Variants in SLX4 observed in about 807,000 individuals in gnomAD.
SLX4 encodes structure-specific endonuclease subunit SLX4.
Under a neutral mutation model 146.2 loss-of-function variants are expected in SLX4, and 112 were observed. The observed-to-expected ratio is 0.77, with a 90% CI of 0.66 to 0.90. The LOEUF is 0.90. Ranked by LOEUF, SLX4 falls within the 40% of genes least tolerant of loss-of-function variation. The pLI, the probability that SLX4 is intolerant of heterozygous loss-of-function variation, is 0.00. For missense variants in SLX4, 2,563 were observed against 2,392.7 expected (o/e 1.07, Z -1.49); for synonymous variants, 1,061 against 997.7 (o/e 1.06, Z -1.20).
rs572868172 is a variant in SLX4 at position 3,609,907 on chromosome 16, C to G, written c.-602-341G>C. Among the ~76,000 whole-genome samples the G allele has an allele frequency of 2.6e-5, 4 of 152,376 alleles. No homozygotes were observed. In the South Asian group the frequency reaches 8.3e-4, roughly 32 times the overall value. On this transcript the variant is annotated intron_variant, in intron 1 of 14. Transcript: ENST00000294008. Reference sequence around the variant, plus strand: ...AAATCTAGGAAAACTATCTCCTACACTGATCTAAGACCCCTGGCTGTTAAA... The same window carrying G: ...AAATCTAGGAAAACTATCTCCTACAGTGATCTAAGACCCCTGGCTGTTAAA...
Position 3,582,488 on chromosome 16 carries a change from G to C in SLX4, c.5359C>G (p.Gln1787Glu), listed in dbSNP as rs1259909923. ...CGCGAGGACACACGGAGGCCGTTCT[G>C]CCTCAGCTCTGCCTGCAGCTCCCGC... ...ELRELQAELRQNGLRVSSRRL... is the reference protein window; with the variant it reads ...ELRELQAELRENGLRVSSRRL... Residue 1787 changes from glutamine (Q) to glutamate (E), a missense_variant, in exon 15 of 15, where the codon CAG (glutamine) becomes GAG (glutamate). Transcript: ENST00000294008. 4.3e-6 allele frequency: 7 copies of C among 1,614,044 alleles called. No individual in the cohort carries two copies. The highest frequency in any genetic ancestry group is 5.9e-6 in the Non-Finnish European group (7 of 1,180,038).
Position 3,591,044 on chromosome 16 carries a change from A to G in SLX4, c.2594T>C (p.Leu865Pro), listed in dbSNP as rs1369944514. Residue 865 changes from leucine to proline, a missense_variant, in exon 12 of 15, where the codon CTC becomes CCC. By Grantham distance (98) the Leu-to-Pro change is moderately conservative. Coordinates refer to ENST00000294008, the MANE Select transcript of SLX4 (RefSeq NM_032444.4). Reference protein sequence around the residue: ...YEFAATQRKLLQEERAAGAGE... With the variant: ...YEFAATQRKLPQEERAAGAGE... ...GGCACCCGCTGCCCTTTCTTCCTGG[A>G]GAAGCTTTCGCTGAGTAGCTGCAAA... The G allele has an allele frequency of 5.6e-6, 9 of 1,614,168 alleles. No individual in the cohort carries two copies. Among genetic ancestry groups the G allele is most frequent in the Non-Finnish European group, 5.9e-6 (7 of 1,180,032 alleles).
At position 3,600,992 on chromosome 16, in the gene SLX4, GGCT is replaced by G. The variant is rs938490986; in HGVS notation, c.1147_1149del (p.Ser383del). 6 of 1,613,680 alleles carry G rather than the reference GGCT, an allele frequency of 3.7e-6. No individual in the cohort carries two copies. Among genetic ancestry groups the G allele is most frequent in the Non-Finnish European group, 5.1e-6 (6 of 1,179,994 alleles). ...TCGTCGACTTACCTGAACATGGGTG[GGCT>G]GCTGCTACCCTCAGGCTGTGCTGTC... On this transcript the variant is annotated inframe_deletion, in exon 5 of 15. Transcript: ENST00000294008.
intron 2 of SLX4, 84 bp from the exon 3 acceptor site, chr16:3,606,782 G>C (rs1596533343): frequency 7.0e-7 from 1 of 1,425,094 alleles, no homozygotes; most frequent in Non-Finnish European, 9.9e-7. Flanking sequence ...TTAGACGCAA[G>C]TTTCAAGAGT....
In SLX4 at chr16:3,596,391, GC is replaced by G; in HGVS notation, c.1685del (p.Gly562AlafsTer18). On this transcript the variant is annotated frameshift_variant and splice_region_variant, in exon 8 of 15. Transcript: ENST00000294008. LOFTEE classifies it high-confidence loss of function. ...GAGGCGGCACGGGCTCCTGCATAAG[GC>G]CCTGAAAGAAGCCAGTAAGGAGAGT... ...PPLVPQRPAQ[G>X]LMQEPVPPLV... The G allele has an allele frequency of 6.3e-7, 1 of 1,591,178 alleles. No homozygotes were observed. The highest frequency in any genetic ancestry group is 8.6e-7 in the Non-Finnish European group (1 of 1,166,322).
Position 3,589,892 on chromosome 16 carries a change from C to T in SLX4, c.3746G>A (p.Ser1249Asn), listed in dbSNP as rs372991604. The T allele has an allele frequency of 3.6e-5, 58 of 1,613,702 alleles. No homozygotes were observed. Among genetic ancestry groups the T allele is most frequent in the Middle Eastern group, 1.6e-4 (1 of 6,084 alleles). Residue 1249 changes from serine to asparagine, a missense_variant, in exon 12 of 15, where the codon AGC becomes AAC. Transcript: ENST00000294008. This position sits in a 1 kb window ranked among gnomAD's most constrained non-coding sequence, Gnocchi z 6.2. Reference sequence around the variant, plus strand: ...CACCAGCCACGAGGTGTCTGTGGTGCTGGCCTCGCTGGGGCTGCTCTCACG... The same window carrying T: ...CACCAGCCACGAGGTGTCTGTGGTGTTGGCCTCGCTGGGGCTGCTCTCACG... ...CDRESSPSEA[S>N]TTDTSWLVPA...
chr16:3,596,232 G>A lies in SLX4; in HGVS notation c.1845C>T (p.Leu615=), dbSNP rs1056084. 21 of 1,552,370 alleles carry A rather than the reference G, an allele frequency of 1.4e-5. No individual in the cohort carries two copies. Among genetic ancestry groups the A allele is most frequent in the Non-Finnish European group, 1.7e-5 (20 of 1,150,100 alleles). ...SQREHQALQD[L]VDLAREGLSA... is the part of the protein sequence containing the mutation. ...TCAGTCCCTCCCTCGCCAGGTCCAC[G>A]AGGTCCTGCAGGGCCTGGTGCTCCC... The change falls in exon 8 of 15, where the codon CTC becomes CTT. Residue 615 remains leucine (L), a synonymous_variant. Transcript: ENST00000294008.
intron 3 of SLX4, among the ~76,000 whole-genome samples, chr16:3,604,768 C>A (rs1392919943): frequency 6.8e-6 from 1 of 147,440 alleles, no homozygotes; most frequent in African/African-American, 2.5e-5. Flanking sequence ...TGCAGTGAGC[C>A]GAGATTGCGC....
intron 5 of SLX4, among the ~76,000 whole-genome samples, chr16:3,599,634 T>A (rs565676596): frequency 2.0e-5 from 3 of 152,264 alleles, no homozygotes; most frequent in Non-Finnish European, 4.4e-5. Flanking sequence ...TCGCCCAGGC[T>A]GGAGTGCAGT....
intron 10 of SLX4, among the ~76,000 whole-genome samples, chr16:3,593,517 C>T (rs2151127739): frequency 6.6e-6 from 1 of 152,328 alleles, no homozygotes; most frequent in South Asian, 2.1e-4. Flanking sequence ...CGTGCCTGGT[C>T]CCTAGTCTTA....
rs59622164 is a variant in SLX4, at chr16:3,598,074, G to C, written c.1164-75C>G. ...TTCTCAGGTTGGTCACACTGGTCTG[G>C]AGAGGGCTGGGCCTGAGAGAAAAGT... On this transcript the variant is annotated intron_variant, in intron 5 of 14. Coordinates refer to ENST00000294008, the MANE Select transcript of SLX4 (RefSeq NM_032444.4). 0.062 allele frequency: 97,196 copies of C among 1,561,208 alleles called. 3,260 individuals carry two copies. The highest frequency in any genetic ancestry group is 0.069 in the Admixed American group (4,082 of 59,528).
chr16:3,585,004 C>A lies in SLX4; in HGVS notation c.4637-133G>T, dbSNP rs943199037. 1.1e-5 allele frequency: 8 copies of A among 744,378 alleles called. No homozygotes were observed. In the African/African-American group the frequency reaches 1.2e-4, roughly 11 times the overall value. 46.1% of individuals were successfully genotyped at this position (744,378 alleles called of 1,614,324 possible). A position where few individuals can be genotyped will look rare whatever the true frequency, so the allele number is the denominator to read the frequency against. Reference sequence around the variant, plus strand: ...GCATCGTTTTGCTCCATGAAAGCAACAGTGGTCACCCCTTCCCTGTCTGGA... The same window carrying A: ...GCATCGTTTTGCTCCATGAAAGCAAAAGTGGTCACCCCTTCCCTGTCTGGA... On this transcript the variant is annotated intron_variant, in intron 12 of 14. Coordinates refer to ENST00000294008, the MANE Select transcript of SLX4 (RefSeq NM_032444.4).
At chr16:3,605,544 CA>C (rs1373292587) in intron 3 of SLX4, among the ~76,000 whole-genome samples, 5 of 151,578 alleles carry the variant, frequency 3.3e-5, no homozygotes, top group African/African-American at 4.8e-5. Context: ...AAAACAACAA[CA>C]ACAAAAAAAC....
chr16:3,608,652 C>T lies in SLX4; in HGVS notation c.313G>A (p.Gly105Ser). ...QTATKTKTLQ[G>S]PAEKKPPSGS... ...GACGGAGGTTTCTTCTCTGCAGGGC[C>T]TTGAAGGGTTTTGGTCTTGGTAGCA... Residue 105 changes from glycine to serine, a missense_variant, in exon 2 of 15, where the codon GGC (glycine) becomes AGC (serine). Transcript: ENST00000294008. 1 of 1,614,192 alleles carries T rather than the reference C, an allele frequency of 6.2e-7. No homozygotes were observed.
chr16:3,590,275 A>G lies in SLX4; in HGVS notation c.3363T>C (p.Ser1121=), dbSNP rs770731522. 4.3e-6 allele frequency: 7 copies of G among 1,614,054 alleles called. No individual in the cohort carries two copies. The highest frequency in any genetic ancestry group is 1.7e-6 in the Non-Finnish European group (2 of 1,180,042). The part of the protein sequence containing the change: ...NKGVLMFPEK[S]PSIDLTQSNP... ...TTGACTGGGTTAGGTCAATAGACGG[A>G]GATTTTTCTGGGAACATCAGGACCC... The change falls in exon 12 of 15, where the codon TCT becomes TCC. Residue 1121 remains serine (S), a synonymous_variant. Coordinates refer to ENST00000294008, the MANE Select transcript of SLX4 (RefSeq NM_032444.4). The surrounding 1 kb of genome is among the most constrained non-coding windows in gnomAD (Gnocchi z 4.8).
At chr16:3,596,128 C>T in intron 8 of SLX4, 25 bp downstream of exon 8, 1 of 1,544,600 alleles carries the variant, frequency 6.5e-7, no homozygotes, top group African/African-American at 1.4e-5. Context: ...CAGGGCTGGC[C>T]CTAGAGTCCC....
intron 1 of SLX4, among the ~76,000 whole-genome samples, chr16:3,611,281 T>C (rs1224078554): frequency 6.6e-6 from 1 of 152,016 alleles, no homozygotes; most frequent in Non-Finnish European, 1.5e-5. Flanking sequence ...GGCTCTAAAG[T>C]CAGACGGAGA....
In SLX4 at chr16:3,590,710, G is replaced by C. The variant is rs1054086781; in HGVS notation, c.2928C>G (p.His976Gln). Residue 976 changes from histidine (H) to glutamine (Q), a missense_variant, in exon 12 of 15, where the codon CAC becomes CAG. By Grantham distance (24) the His-to-Gln change is conservative (BLOSUM62 0). Coordinates refer to ENST00000294008, the MANE Select transcript of SLX4 (RefSeq NM_032444.4). This position sits in a 1 kb window ranked among gnomAD's most constrained non-coding sequence, Gnocchi z 4.8. ...GTTCGTAATCCCCGGCATCATCTGA[G>C]TGCGGAAGAGAGCCTTCTTTTCTCT... ...QAERKEGSLP[H>Q]SDDAGDYEQL... 4 of 1,614,082 alleles carry C rather than the reference G, an allele frequency of 2.5e-6. No individual in the cohort carries two copies. In the African/African-American group the frequency reaches 4.0e-5, roughly 16 times the overall value.
In SLX4 at chr16:3,590,903, C is replaced by T. The variant is rs2151125273; in HGVS notation, c.2735G>A (p.Gly912Glu). The T allele has an allele frequency of 6.2e-7, 1 of 1,614,076 alleles. No individual in the cohort carries two copies. The highest frequency in any genetic ancestry group is 8.5e-7 in the Non-Finnish European group (1 of 1,180,008). ...KVEEMEPLEP[G>E]RDEAATTWEK... ...CCAGGTGGTGGCGGCCTCATCTCTTCCTGGCTCCAACGGCTCCATCTCCTC... is the reference window on the plus strand; with the variant it reads ...CCAGGTGGTGGCGGCCTCATCTCTTTCTGGCTCCAACGGCTCCATCTCCTC... The change falls in exon 12 of 15, where the codon GGA becomes GAA. Residue 912 changes from glycine to glutamate, a missense_variant. Physicochemically the swap from Gly to Glu is moderately conservative, Grantham distance 98. Transcript: ENST00000294008. The surrounding 1 kb of genome is among the most constrained non-coding windows in gnomAD (Gnocchi z 4.8).
Sources: allele counts gnomAD v4.1 joint callset (sites outside exome capture counted in the v4.1 genomes callset), GRCh38; gene constraint gnomAD v4.1.1; non-coding constraint Gnocchi (gnomAD v3.1); transcripts MANE v1.5; gene names NCBI Gene and HGNC (gene_info 2026-07-23, HGNC 2026-07-21).